Variants in GOLM1 observed in about 807,000 individuals in gnomAD.
The protein encoded by GOLM1 is epididymis luminal protein 46.
Under a neutral mutation model 50.5 loss-of-function variants are expected in GOLM1, and 31 were observed. The ratio of observed to expected loss-of-function variants is 0.61; its 90% CI spans 0.46 to 0.83. The LOEUF (loss-of-function observed/expected upper bound fraction) is 0.83. Ranked by LOEUF, GOLM1 falls within the 40% of genes least tolerant of loss-of-function variation. The pLI is 0.00. For synonymous variants in GOLM1, 178 were observed against 192.8 expected, an observed-to-expected ratio of 0.92 and a Z score of 0.64; for missense variants, 491 against 501.3, an observed-to-expected ratio of 0.98 and a Z score of 0.20.
rs533741181 is a variant in GOLM1, at chr9:86,027,627, A to AC, written c.*189dup. ...ACACCTTATTAGACACTTCCAAAGT[A>AC]CCCCCCAAAAGCTGTTTAAAAGACC... On this transcript the variant is annotated 3_prime_UTR_variant, in exon 10 of 10. Transcript: ENST00000388712. 1.0e-5 allele frequency: 14 copies of AC among 1,365,182 alleles called. No homozygotes were observed. The highest frequency in any genetic ancestry group is 3.8e-5 in the South Asian group (2 of 53,274). 84.6% of individuals were successfully genotyped at this position (1,365,182 alleles called of 1,614,324 possible).
At chr9:86,068,132 G>C (rs1834358594) in intron 3 of GOLM1, among the ~76,000 whole-genome samples, 1 of 152,178 alleles carries the variant, frequency 6.6e-6, no homozygotes, top group African/African-American at 2.4e-5. Context: ...ATAAGAGGAG[G>C]AGAAGAGGCG....
At chr9:86,050,842 G>T (rs1393558752) in intron 4 of GOLM1, among the ~76,000 whole-genome samples, 2 of 151,998 alleles carry the variant, frequency 1.3e-5, no homozygotes, top group African/African-American at 2.4e-5. Flanking sequence ...TTTTTGAAGG[G>T]TTTCTTTTGT....
chr9:86,040,783 C>A lies in GOLM1; in HGVS notation c.553G>T (p.Val185Leu). The A allele has an allele frequency of 1.2e-6, 2 of 1,613,784 alleles. No homozygotes were observed. Among genetic ancestry groups the A allele is most frequent in the Non-Finnish European group, 1.7e-6 (2 of 1,179,674 alleles). ...TTTTCACTCAGGTCTCTGGAAGCTA[C>A]AGCTTCATTCCCCTTTTTGGTGACC... ...EEVTKKGNEA[V>L]ASRDLSENND... The change falls in exon 6 of 10, where the codon GTA (valine) becomes TTA (leucine). Residue 185 changes from valine to leucine, a missense_variant. Val to Leu is a conservative substitution (Grantham distance 32, BLOSUM62 1). Transcript: ENST00000388712.
chr9:86,099,738 C>A (rs1835478486), upstream of GOLM1, among the ~76,000 whole-genome samples: 1 of 151,936 alleles, frequency 6.6e-6, no homozygotes, highest in African/African-American at 2.4e-5. Flanking sequence ...CGCCAGCGTG[C>A]GCCCAGTTCT....
At chr9:86,070,842 A>C (rs1834428257) in intron 3 of GOLM1, among the ~76,000 whole-genome samples, 1 of 152,176 alleles carries the variant, frequency 6.6e-6, no homozygotes, top group African/African-American at 2.4e-5. Flanking sequence ...GAAATATTAC[A>C]CACAGAAATG....
chr9:86,090,805 A>C (rs1294415075), intron 1 of GOLM1, among the ~76,000 whole-genome samples: 1 of 151,322 alleles, frequency 6.6e-6, no homozygotes, highest in Non-Finnish European at 1.5e-5. Context: ...AAAAAAAAAA[A>C]AAAAAAAAAC....
At chr9:86,038,305 T>C (rs1286616782) in intron 6 of GOLM1, among the ~76,000 whole-genome samples, 1 of 152,160 alleles carries the variant, frequency 6.6e-6, no homozygotes, top group African/African-American at 2.4e-5. Context: ...AATCGGCTTG[T>C]GCTTCCAGCA....
At chr9:86,061,841 G>GAT (rs1270343342) in intron 3 of GOLM1, among the ~76,000 whole-genome samples, 1 of 152,144 alleles carries the variant, frequency 6.6e-6, no homozygotes, top group Admixed American at 6.6e-5. Context: ...AGGTTTAGGG[G>GAT]ATAGAGTCAA....
intron 3 of GOLM1, among the ~76,000 whole-genome samples, chr9:86,061,062 T>C (rs986178796): frequency 6.6e-6 from 1 of 151,922 alleles, no homozygotes; most frequent in Non-Finnish European, 1.5e-5. Flanking sequence ...TGTGCTGAAA[T>C]AGTCATGGTT....
At chr9:86,092,349 A>C (rs1178100115) in intron 1 of GOLM1, among the ~76,000 whole-genome samples, 1 of 152,198 alleles carries the variant, frequency 6.6e-6, no homozygotes, top group East Asian at 1.9e-4. Flanking sequence ...TCTACTTTAT[A>C]GCAACCAGTC....
chr9:86,033,198 G>C, intron 9 of GOLM1, 84 bp downstream of exon 9: 1 of 758,688 alleles, frequency 1.3e-6, no homozygotes, highest in South Asian at 1.6e-5. Context: ...ATATAATTTT[G>C]GGGATTCATT....
chr9:86,035,187 C>T, intron 8 of GOLM1, 181 bp downstream of exon 8: 3 of 985,394 alleles, frequency 3.0e-6, no homozygotes. Context: ...ATATGCTGCT[C>T]TTCCTTCCTG....
At chr9:86,088,458 T>TATATATATATA (rs1835059344) in intron 1 of GOLM1, among the ~76,000 whole-genome samples, 1 of 96,048 alleles carries the variant, frequency 1.0e-5, no homozygotes, top group African/African-American at 5.7e-5. Flanking sequence ...ATATATATAT[T>TATATATATATA]TAGGATAGAT....
intron 3 of GOLM1, among the ~76,000 whole-genome samples, chr9:86,056,291 G>T (rs909499028): frequency 1.3e-5 from 2 of 151,514 alleles, no homozygotes; most frequent in Admixed American, 6.6e-5. Context: ...ACTTATGCAT[G>T]GAAAAATACA....
intron 5 of GOLM1, among the ~76,000 whole-genome samples, chr9:86,042,010 G>A (rs1467845826): frequency 1.3e-5 from 2 of 152,116 alleles, no homozygotes; most frequent in East Asian, 1.9e-4. Context: ...CCAGCTACTC[G>A]GGAGGCTGAG....
chr9:86,036,315 C>T (rs764223641), intron 7 of GOLM1, 33 bp downstream of exon 7: 4 of 1,612,580 alleles, frequency 2.5e-6, no homozygotes, highest in Non-Finnish European at 2.5e-6. Flanking sequence ...CTCTGGAGAG[C>T]TGGGAACAGG....
chr9:86,086,496 G>A (rs1425053863), intron 1 of GOLM1, among the ~76,000 whole-genome samples: 1 of 152,052 alleles, frequency 6.6e-6, no homozygotes, highest in African/African-American at 2.4e-5. Flanking sequence ...TTTGGCTTTT[G>A]TTGCCATTTC....
At position 86,088,420 on chromosome 9, in the gene GOLM1, GTATATATATATATATATATATATA is replaced by G. The variant is rs71505775; in HGVS notation, c.-21-9103_-21-9080del. On this transcript the variant is annotated intron_variant, in intron 1 of 9. Transcript: ENST00000388712. Reference sequence around the variant, plus strand: ...TGGATTCGTTGTTTTTTTGAAGGGTGTATATATATATATATATATATATATATATATATATATTTAGGATAGATA... The same window carrying G: ...TGGATTCGTTGTTTTTTTGAAGGGTGTATATATATATATTTAGGATAGATA... Among the ~76,000 whole-genome samples the G allele has an allele frequency of 4.0e-3, 342 of 86,300 alleles. 17 individuals are homozygous for G. Among genetic ancestry groups the G allele is most frequent in the African/African-American group, 0.018 (322 of 17,416 alleles). 56.6% of individuals were successfully genotyped at this position (86,300 alleles called of 152,430 possible). A position where few individuals can be genotyped will look rare whatever the true frequency, so the allele number is the denominator to read the frequency against.
At chr9:86,051,979 T>C (rs1833768175) in intron 4 of GOLM1, among the ~76,000 whole-genome samples, 1 of 152,078 alleles carries the variant, frequency 6.6e-6, no homozygotes, top group Non-Finnish European at 1.5e-5. Flanking sequence ...ACCCAACAGA[T>C]GATTTAGCCC....
Sources: gnomAD v4.1 joint callset for allele counts (sites outside exome capture counted in the v4.1 genomes callset) on GRCh38, gnomAD v4.1.1 for gene constraint, MANE v1.5 for transcripts, NCBI Gene and HGNC (gene_info 2026-07-23, HGNC 2026-07-21) for gene names.